Variants in GRIK4 observed in about 807,000 individuals in gnomAD.
The protein encoded by GRIK4 is glutamate receptor ionotropic, kainate 4.
In GRIK4, 40 loss-of-function variants were observed where a neutral mutation model predicts 104.9. The observed-to-expected ratio is 0.38, with a 90% CI of 0.30 to 0.50. The LOEUF is 0.50. Among genes scored for constraint, GRIK4 ranks in the 20% least tolerant of loss-of-function variants. The probability of loss-of-function intolerance (pLI) is 0.93; values close to 1 mark genes in which losing one functional copy is unlikely to be tolerated. For missense variants in GRIK4, 1,047 were observed against 1,308.1 expected, an observed-to-expected ratio of 0.80 and a Z score of 3.08; for synonymous variants, 485 against 524.9, an observed-to-expected ratio of 0.92 and a Z score of 1.04.
intron 8 of GRIK4, among the ~76,000 whole-genome samples, chr11:120,853,584 G>A (rs983642918): frequency 6.6e-6 from 1 of 152,194 alleles, no homozygotes; most frequent in South Asian, 2.1e-4. Context: ...TGGACAGTGA[G>A]AGCATGGAAG....
At chr11:120,530,495 C>A (rs1947911657) in intron 1 of GRIK4, among the ~76,000 whole-genome samples, 1 of 152,200 alleles carries the variant, frequency 6.6e-6, no homozygotes, top group Non-Finnish European at 1.5e-5. Context: ...CATTTGCCAA[C>A]AGAGGCAGCT....
At chr11:120,599,898 A>G (rs1006938493) in intron 1 of GRIK4, among the ~76,000 whole-genome samples, 1 of 152,260 alleles carries the variant, frequency 6.6e-6, no homozygotes, top group African/African-American at 2.4e-5. Context: ...CCCGTGACAT[A>G]AAGGTGAAAG....
intron 13 of GRIK4, among the ~76,000 whole-genome samples, chr11:120,928,825 G>A (rs1006859822): frequency 1.3e-5 from 2 of 152,140 alleles, no homozygotes; most frequent in Non-Finnish European, 1.5e-5. Context: ...TTGGACCTGC[G>A]GATGACATTG....
chr11:120,604,875 G>A (rs1269878465), intron 1 of GRIK4, among the ~76,000 whole-genome samples: 1 of 152,174 alleles, frequency 6.6e-6, no homozygotes, highest in African/African-American at 2.4e-5. Context: ...ATATATATAT[G>A]TATTTGAGAC....
chr11:120,956,202 TC>T lies in GRIK4; in HGVS notation c.1701-577del, dbSNP rs1387350439. Among the ~76,000 whole-genome samples the T allele has an allele frequency of 9.9e-6, 1 of 101,512 alleles. No individual in the cohort carries two copies. Among genetic ancestry groups the T allele is most frequent in the Non-Finnish European group, 2.2e-5 (1 of 45,270 alleles). 66.6% of individuals were successfully genotyped at this position (101,512 alleles called of 152,430 possible). On this transcript the variant is annotated intron_variant, in intron 15 of 20. Coordinates refer to ENST00000527524, the MANE Select transcript of GRIK4 (RefSeq NM_014619.5). This position sits in a 1 kb window ranked among gnomAD's most constrained non-coding sequence, Gnocchi z 4.6. The stretch of plus-strand genomic sequence containing the variant: ...TCCTAGCCTCAGGGGCTCCACTTAA[TC>T]TTTTTTTTTTTTTTTGAGACAGGGT...
chr11:120,600,138 A>T (rs551882658), intron 1 of GRIK4, among the ~76,000 whole-genome samples: 98 of 152,266 alleles, frequency 6.4e-4, no homozygotes, highest in Non-Finnish European at 1.2e-3. Flanking sequence ...GTTTGGGGAA[A>T]GGGAAAGGTG....
At chr11:120,787,842 CTTTTCTTTTCTTTTTTTT>C (rs1952312956) in intron 3 of GRIK4, among the ~76,000 whole-genome samples, 1 of 76,952 alleles carries the variant, frequency 1.3e-5, no homozygotes, top group Non-Finnish European at 2.6e-5. Context: ...TCTCTTTTTT[CTTTTCTTTTCTTTTTTTT>C]TTTTTTTTTT....
At chr11:120,764,632 C>A (rs898598046) in intron 3 of GRIK4, among the ~76,000 whole-genome samples, 1 of 151,420 alleles carries the variant, frequency 6.6e-6, no homozygotes, top group Admixed American at 6.6e-5. Context: ...CCTTCAGGAG[C>A]TCTTGTAAGG....
chr11:120,746,973 C>T (rs1331191287), intron 3 of GRIK4, among the ~76,000 whole-genome samples: 1 of 152,188 alleles, frequency 6.6e-6, no homozygotes, highest in African/African-American at 2.4e-5. Context: ...ACCACATCCC[C>T]TTCTGAGCCA....
intron 3 of GRIK4, among the ~76,000 whole-genome samples, chr11:120,663,361 G>A (rs923863347): frequency 1.3e-5 from 2 of 152,172 alleles, no homozygotes; most frequent in African/African-American, 2.4e-5. Context: ...TGACAAGTAG[G>A]GGCCTGGCTG....
rs1489439321 is a variant in GRIK4, at chr11:120,603,917, C to A, written c.-158-49768C>A. The stretch of plus-strand genomic sequence containing the variant: ...CGGGTGCGGTGGCTCATGCCTATAA[C>A]CCCAGCACTTTGGGAGGCCGAGGAA... On this transcript the variant is annotated intron_variant, in intron 1 of 20. Coordinates refer to ENST00000527524, the MANE Select transcript of GRIK4 (RefSeq NM_014619.5). Among the ~76,000 whole-genome samples, 3 of 143,512 alleles carry A rather than the reference C, an allele frequency of 2.1e-5. 1 individual carries two copies. Among genetic ancestry groups the A allele is most frequent in the African/African-American group, 7.5e-5 (3 of 40,110 alleles). 94.1% of individuals were successfully genotyped at this position (143,512 alleles called of 152,430 possible).
At chr11:120,515,259 G>GT in intron 1 of GRIK4, among the ~76,000 whole-genome samples, 1 of 152,290 alleles carries the variant, frequency 6.6e-6, no homozygotes, top group Non-Finnish European at 1.5e-5. Flanking sequence ...CAGCTACCAA[G>GT]TATCAGGCAG....
At chr11:120,588,462 A>G (rs995618944) in intron 1 of GRIK4, among the ~76,000 whole-genome samples, 1 of 152,106 alleles carries the variant, frequency 6.6e-6, no homozygotes, top group Admixed American at 6.5e-5. Flanking sequence ...CAGGCACGAC[A>G]CAGGGTCTTT....
In GRIK4 at chr11:120,816,126, G is replaced by A. The variant is rs142487455; in HGVS notation, c.345+651G>A. 2.0e-3 allele frequency among the ~76,000 whole-genome samples: 304 copies of A among 152,164 alleles called. 1 individual carries two copies. Among genetic ancestry groups the A allele is most frequent in the Middle Eastern group, 0.014 (4 of 294 alleles). ...CTGTTTCCATGGGAGAAAAAAAATG[G>A]TAGGGCACAAGTTTCAGAGTGACTG... On this transcript the variant is annotated intron_variant, in intron 5 of 20. Coordinates refer to ENST00000527524, the MANE Select transcript of GRIK4 (RefSeq NM_014619.5).
At chr11:120,740,295 T>C (rs1340020425) in intron 3 of GRIK4, among the ~76,000 whole-genome samples, 1 of 152,234 alleles carries the variant, frequency 6.6e-6, no homozygotes, top group Non-Finnish European at 1.5e-5. Flanking sequence ...GCCATGCACC[T>C]GCTGTTGATG....
chr11:120,940,274 G>A lies in GRIK4; in HGVS notation c.1477-73G>A. 1 of 869,124 alleles carries A rather than the reference G, an allele frequency of 1.2e-6. No individual in the cohort carries two copies. The highest frequency in any genetic ancestry group is 1.5e-5 in the South Asian group (1 of 66,734). 53.8% of individuals were successfully genotyped at this position (869,124 alleles called of 1,614,324 possible). ...CATCACATCTCCAATAGCAGTGACG[G>A]TTGCTGGTCGCAAGTCTCTGTGCCT... On this transcript the variant is annotated intron_variant, in intron 13 of 20. Transcript: ENST00000527524. This position sits in a 1 kb window ranked among gnomAD's most constrained non-coding sequence, Gnocchi z 4.3.
intron 6 of GRIK4, among the ~76,000 whole-genome samples, chr11:120,824,388 T>C (rs1335659597): frequency 2.0e-5 from 3 of 152,158 alleles, no homozygotes; most frequent in Non-Finnish European, 4.4e-5. Flanking sequence ...GGCTCACCAC[T>C]GTGGGTGCCC....
At chr11:120,976,164 C>T (rs186874644) in intron 19 of GRIK4, among the ~76,000 whole-genome samples, 222 of 152,208 alleles carry the variant, frequency 1.5e-3, no homozygotes, top group Middle Eastern at 6.8e-3. Flanking sequence ...GTGTTTTTAA[C>T]GATAATTGAA....
At chr11:120,572,474 C>T (rs564712394) in intron 1 of GRIK4, among the ~76,000 whole-genome samples, 9 of 152,108 alleles carry the variant, frequency 5.9e-5, no homozygotes, top group Non-Finnish European at 1.0e-4. Flanking sequence ...CATGTCGAGG[C>T]GGGGAGTGGA....
Sources: allele counts gnomAD v4.1 joint callset (sites outside exome capture counted in the v4.1 genomes callset), GRCh38; gene constraint gnomAD v4.1.1; non-coding constraint Gnocchi (gnomAD v3.1); transcripts MANE v1.5; gene names NCBI Gene and HGNC (gene_info 2026-07-23, HGNC 2026-07-21).